ZNF624: variants seen among roughly 807,000 people sequenced by gnomAD.
ZNF624 encodes zinc finger protein 624.
Under a neutral mutation model 74.7 loss-of-function variants are expected in ZNF624, and 43 were observed. The observed-to-expected ratio is 0.58, with a 90% confidence interval of 0.45 to 0.74. ZNF624 has a LOEUF of 0.74. Ranked by LOEUF, ZNF624 falls within the 30% of genes least tolerant of loss-of-function variation. The probability of loss-of-function intolerance (pLI) is 0.00; values close to 1 mark genes in which losing one functional copy is unlikely to be tolerated. For missense variants in ZNF624, 820 were observed against 1,030.0 expected (o/e 0.80, Z 2.79); for synonymous variants, 331 against 341.3 (o/e 0.97, Z 0.33).
At chr17:16,645,945 C>CAA (rs35486112) in intron 3 of ZNF624, among the ~76,000 whole-genome samples, 2,325 of 55,878 alleles carry the variant, frequency 0.042, 300 homozygotes, top group African/African-American at 0.15. Context: ...GACTCCATCT[C>CAA]AAAAAAAAAA....
chr17:16,617,785 G>A (rs1370449372), downstream of ZNF624: 1 of 1,611,318 alleles, frequency 6.2e-7, no homozygotes, highest in Non-Finnish European at 8.5e-7. Flanking sequence ...CCATTTTTGA[G>A]GTCTACTTCG....
chr17:16,614,501 A>T, the ZNF624 span, among the ~76,000 whole-genome samples: 1 of 152,344 alleles, frequency 6.6e-6, no homozygotes, highest in African/African-American at 2.4e-5. Context: ...AAATTTGATT[A>T]ATCCTATGTC....
chr17:16,649,590 G>T, intron 2 of ZNF624, 68 bp downstream of exon 2: 1 of 1,423,196 alleles, frequency 7.0e-7, no homozygotes, highest in Non-Finnish European at 9.9e-7. Context: ...GAAGTCGCAA[G>T]CCTTCAGGCA....
At chr17:16,620,087 T>C (rs1908871190), downstream of ZNF624, among the ~76,000 whole-genome samples, 1 of 152,242 alleles carries the variant, frequency 6.6e-6, no homozygotes, top group African/African-American at 2.4e-5. Context: ...ATCAGTGTCT[T>C]TCCCAATGTT....
At chr17:16,627,927 T>C (rs1437191570) in intron 5 of ZNF624, among the ~76,000 whole-genome samples, 1 of 152,112 alleles carries the variant, frequency 6.6e-6, no homozygotes, top group African/African-American at 2.4e-5. Context: ...TAGATTTTCA[T>C]AGTCAATGCC....
chr17:16,617,651 G>T, downstream of ZNF624: 1 of 1,607,036 alleles, frequency 6.2e-7, no homozygotes, highest in Non-Finnish European at 8.5e-7. Context: ...TGTAGCTGTC[G>T]CGATTGCGAC....
At chr17:16,627,995 A>G (rs778676913) in intron 5 of ZNF624, among the ~76,000 whole-genome samples, 1 of 152,180 alleles carries the variant, frequency 6.6e-6, no homozygotes, top group Non-Finnish European at 1.5e-5. Context: ...ATAGTGGCTC[A>G]CATCTTGTAA....
At chr17:16,637,323 A>T (rs889276820) in intron 3 of ZNF624, among the ~76,000 whole-genome samples, 1 of 152,232 alleles carries the variant, frequency 6.6e-6, no homozygotes, top group African/African-American at 2.4e-5. Flanking sequence ...CGCCACCCCC[A>T]TCAAGCTACC....
chr17:16,653,014 T>C (rs990758630), intron 1 of ZNF624, among the ~76,000 whole-genome samples: 2 of 152,234 alleles, frequency 1.3e-5, no homozygotes, highest in Non-Finnish European at 2.9e-5. Flanking sequence ...TTTCCAACTA[T>C]TGCAAACGTA....
chr17:16,617,617 C>G, downstream of ZNF624: 2 of 1,602,702 alleles, frequency 1.2e-6, no homozygotes, highest in South Asian at 1.1e-5. Context: ...CTGTATCCAC[C>G]TCCACCACGG....
At chr17:16,624,612 G>T in intron 5 of ZNF624, 103 bp from the exon 6 acceptor site, 1 of 1,045,742 alleles carries the variant, frequency 9.6e-7, no homozygotes, top group Non-Finnish European at 1.3e-6. Flanking sequence ...ATGAATATAT[G>T]GTTTTAATTG....
intron 5 of ZNF624, among the ~76,000 whole-genome samples, chr17:16,630,747 C>T (rs1402790411): frequency 6.6e-6 from 1 of 152,020 alleles, no homozygotes; most frequent in Admixed American, 6.6e-5. Flanking sequence ...AAATGAGATA[C>T]TTCATAACGA....
At chr17:16,650,894 C>T (rs1597500916) in intron 1 of ZNF624, among the ~76,000 whole-genome samples, 1 of 152,244 alleles carries the variant, frequency 6.6e-6, no homozygotes, top group East Asian at 1.9e-4. Flanking sequence ...GCTCAATAAA[C>T]ATAGCAGAAC....
rs374612348 is a variant in ZNF624 at position 16,648,753 on chromosome 17, A to AAC, written c.87+903_87+904dup. Among the ~76,000 whole-genome samples, 441 of 151,450 alleles carry AAC rather than the reference A, an allele frequency of 2.9e-3. 2 individuals carry two copies. Among genetic ancestry groups the AAC allele is most frequent in the African/African-American group, 9.8e-3 (405 of 41,362 alleles). ...TTAATAATAATCCCAAGGACACTCA[A>AAC]ACACACACACACACACATTTAAATG... On this transcript the variant is annotated intron_variant, in intron 2 of 5. Transcript: ENST00000311331.
At chr17:16,643,034 TGAA>T (rs1909502321) in intron 3 of ZNF624, among the ~76,000 whole-genome samples, 1 of 152,182 alleles carries the variant, frequency 6.6e-6, no homozygotes, top group Non-Finnish European at 1.5e-5. Flanking sequence ...CAAGCGTTGT[TGAA>T]GAAGTAGAGC....
intron 5 of ZNF624, among the ~76,000 whole-genome samples, chr17:16,628,744 G>T (rs139959667): frequency 4.1e-3 from 619 of 151,100 alleles, no homozygotes; most frequent in Middle Eastern, 0.021. Flanking sequence ...CTAAGTCAAA[G>T]AAATAATGTC....
downstream of ZNF624, chr17:16,617,916 G>A: frequency 7.2e-7 from 1 of 1,388,238 alleles, no homozygotes; most frequent in Non-Finnish European, 1.0e-6. Context: ...GGCTGGTTGT[G>A]GAACGGCGGA....
chr17:16,617,897 G>A (rs1908825005), downstream of ZNF624: 14 of 1,523,620 alleles, frequency 9.2e-6, 1 homozygote, highest in South Asian at 1.3e-4. Context: ...TGGCGGGCGG[G>A]GGCCCAAGGG....
In ZNF624 at chr17:16,647,389, A is replaced by G. The variant is rs759114909; in HGVS notation, c.93T>C (p.Pro31=). Residue 31 remains proline (P), a synonymous_variant, in exon 3 of 6, where the codon CCT becomes CCC. Transcript: ENST00000311331. ...GATCTTCATCTGGCTGGGTAACTTC[A>G]GGGCTCTGATGGGATACAGGATAAG... ...AVFFSVGRLS[P]EVTQPDEDLH... is the part of the protein sequence containing the mutation. The G allele has an allele frequency of 1.2e-5, 20 of 1,614,158 alleles. No individual in the cohort carries two copies. In the East Asian group the frequency reaches 4.5e-4, roughly 36 times the overall value.
Sources: gnomAD v4.1 joint callset for allele counts (sites outside exome capture counted in the v4.1 genomes callset) on GRCh38, gnomAD v4.1.1 for gene constraint, MANE v1.5 for transcripts, NCBI Gene and HGNC (gene_info 2026-07-23, HGNC 2026-07-21) for gene names.